LRRN1: variants seen among roughly 807,000 people sequenced by gnomAD.
LRRN1 encodes the protein leucine-rich repeat neuronal protein 1.
Under a neutral mutation model 45.8 loss-of-function variants are expected in LRRN1, and 14 were observed. The observed-to-expected ratio is 0.31, with a 90% CI of 0.20 to 0.48. The LOEUF (loss-of-function observed/expected upper bound fraction) is 0.48, where lower values mean the gene tolerates loss of function less well. Ranked by LOEUF, LRRN1 falls within the 20% of genes least tolerant of loss-of-function variation. The pLI is 0.99. For missense variants in LRRN1, 789 were observed against 874.2 expected, an observed-to-expected ratio of 0.90 and a Z score of 1.23; for synonymous variants, 359 against 330.1, an observed-to-expected ratio of 1.09 and a Z score of -0.95.
intron 1 of LRRN1, among the ~76,000 whole-genome samples, chr3:3,819,560 A>AT (rs2106457553): frequency 6.6e-6 from 1 of 152,184 alleles, no homozygotes; most frequent in African/African-American, 2.4e-5. Context: ...CTCTGCCTTC[A>AT]TTGTCACATG....
At chr3:3,811,993 C>A (rs1417457255) in intron 1 of LRRN1, among the ~76,000 whole-genome samples, 1 of 152,210 alleles carries the variant, frequency 6.6e-6, no homozygotes, top group Non-Finnish European at 1.5e-5. Context: ...GCAAACTCAT[C>A]TGTAGAATGG....
chr3:3,807,167 G>A (rs977540973), intron 1 of LRRN1, among the ~76,000 whole-genome samples: 7 of 152,062 alleles, frequency 4.6e-5, no homozygotes, highest in East Asian at 1.9e-4. Context: ...GATTAACCAC[G>A]CCCCCTACCT....
chr3:3,826,575 CT>C (rs1280480762), intron 1 of LRRN1, among the ~76,000 whole-genome samples: 1 of 152,020 alleles, frequency 6.6e-6, no homozygotes, highest in Non-Finnish European at 1.5e-5. Context: ...CCATTGTGTC[CT>C]TGCAAGGGGA....
chr3:3,844,383 T>C lies in LRRN1; in HGVS notation c.-259T>C. 2 of 403,334 alleles carry C rather than the reference T, an allele frequency of 5.0e-6. No homozygotes were observed. Among genetic ancestry groups the C allele is most frequent in the Non-Finnish European group, 8.9e-6 (2 of 225,846 alleles). 25.0% of individuals were successfully genotyped at this position (403,334 alleles called of 1,614,324 possible). ...TTTCAGGCACATCTCCAGACTTCAA[T>C]TTGGCTGAAATAATTCATGCCACGG... On this transcript the variant is annotated 5_prime_UTR_variant, in exon 2 of 2. Coordinates refer to ENST00000319331, the MANE Select transcript of LRRN1 (RefSeq NM_020873.7).
chr3:3,837,645 A>T (rs1177460963), intron 1 of LRRN1, among the ~76,000 whole-genome samples: 1 of 152,142 alleles, frequency 6.6e-6, no homozygotes, highest in African/African-American at 2.4e-5. Flanking sequence ...GTGAATGGAC[A>T]GCAGCAGGGT....
chr3:3,842,312 C>A (rs935982646), intron 1 of LRRN1, among the ~76,000 whole-genome samples: 4 of 151,558 alleles, frequency 2.6e-5, no homozygotes, highest in Non-Finnish European at 4.4e-5. Context: ...TATGTTTCCT[C>A]CCACAGACTA....
chr3:3,837,729 A>AT (rs77083558), intron 1 of LRRN1, among the ~76,000 whole-genome samples: 49 of 147,986 alleles, frequency 3.3e-4, no homozygotes, highest in Admixed American at 5.4e-4. Flanking sequence ...ATTAATTTTA[A>AT]TTTTTTTTTT....
intron 1 of LRRN1, among the ~76,000 whole-genome samples, chr3:3,812,884 C>T (rs899296016): frequency 6.7e-6 from 1 of 149,932 alleles, no homozygotes; most frequent in African/African-American, 2.5e-5. Flanking sequence ...AGATATAATG[C>T]ATGTGAACGT....
At chr3:3,824,278 C>T (rs1693169382) in intron 1 of LRRN1, among the ~76,000 whole-genome samples, 1 of 152,148 alleles carries the variant, frequency 6.6e-6, no homozygotes, top group Admixed American at 6.5e-5. Flanking sequence ...TCATATTATT[C>T]ATGAGGGCTT....
chr3:3,827,337 C>T, intron 1 of LRRN1: 1 of 385,632 alleles, frequency 2.6e-6, no homozygotes, highest in Admixed American at 2.9e-5. Context: ...ATCTGAAAGC[C>T]CTTGTTAAGT....
intron 1 of LRRN1, among the ~76,000 whole-genome samples, chr3:3,805,451 A>G (rs192280386): frequency 6.6e-6 from 1 of 152,342 alleles, no homozygotes; most frequent in East Asian, 1.9e-4. Context: ...ATTCCCAGCA[A>G]TGACACTAAT....
chr3:3,814,477 C>A (rs1031607601), intron 1 of LRRN1, among the ~76,000 whole-genome samples: 1 of 151,824 alleles, frequency 6.6e-6, no homozygotes, highest in Non-Finnish European at 1.5e-5. Context: ...GTTTGCCCAT[C>A]CTTTGTGAGT....
chr3:3,818,531 T>C (rs1693032794), intron 1 of LRRN1, among the ~76,000 whole-genome samples: 1 of 152,188 alleles, frequency 6.6e-6, no homozygotes, highest in South Asian at 2.1e-4. Flanking sequence ...TTCTTGATCT[T>C]ACAAGTGATT....
At position 3,816,303 on chromosome 3, in the gene LRRN1, A is replaced by G. The variant is rs1692985993; in HGVS notation, c.-279+16384A>G. On this transcript the variant is annotated intron_variant, in intron 1 of 1. Transcript: ENST00000319331. This position sits in a 1 kb window ranked among gnomAD's most constrained non-coding sequence, Gnocchi z 4.0. Reference sequence around the variant, plus strand: ...ATCTGAGCACTTTGAGTATTGGACCATTAGTTTCAAATGCATACTAAGATA... The same window carrying G: ...ATCTGAGCACTTTGAGTATTGGACCGTTAGTTTCAAATGCATACTAAGATA... Among the ~76,000 whole-genome samples the G allele has an allele frequency of 6.6e-6, 1 of 152,160 alleles. No individual in the cohort carries two copies. Among genetic ancestry groups the G allele is most frequent in the South Asian group, 2.1e-4 (1 of 4,832 alleles).
chr3:3,800,910 C>T lies in LRRN1; in HGVS notation c.-279+991C>T, dbSNP rs1244766981. On this transcript the variant is annotated intron_variant, in intron 1 of 1. Coordinates refer to ENST00000319331, the MANE Select transcript of LRRN1 (RefSeq NM_020873.7). ...TTGCCGGCGAGTGTCCTTTGTGCTG[C>T]GTGGAGAGGGGTGTGGGCGGCCGCC... 4 of 152,484 alleles carry T rather than the reference C, an allele frequency of 2.6e-5. No individual in the cohort carries two copies. The East Asian group carries it at 7.7e-4, about 29-fold the overall frequency. 9.4% of individuals were successfully genotyped at this position (152,484 alleles called of 1,614,324 possible).
chr3:3,845,312 G>GA lies in LRRN1; in HGVS notation c.673dup (p.Met225AsnfsTer5), dbSNP rs1319918474. 1 of 1,613,948 alleles carries GA rather than the reference G, an allele frequency of 6.2e-7. No individual in the cohort carries two copies. Among genetic ancestry groups the GA allele is most frequent in the Non-Finnish European group, 8.5e-7 (1 of 1,180,032 alleles). ...AATTTGAGAAGCTTAGTTTTGGCAG[G>GA]AATGTATCTCACTGATATTCCTGGA... On this transcript the variant is annotated frameshift_variant, in exon 2 of 2. Coordinates refer to ENST00000319331, the MANE Select transcript of LRRN1 (RefSeq NM_020873.7). LOFTEE classifies it high-confidence loss of function. This position sits in a 1 kb window ranked among gnomAD's most constrained non-coding sequence, Gnocchi z 6.5.
chr3:3,828,296 G>C (rs933674508), intron 1 of LRRN1, among the ~76,000 whole-genome samples: 1 of 151,986 alleles, frequency 6.6e-6, no homozygotes, highest in Non-Finnish European at 1.5e-5. Context: ...GAAGAACCTG[G>C]GGTCTGATGT....
chr3:3,825,233 A>G (rs570509059), intron 1 of LRRN1, among the ~76,000 whole-genome samples: 25 of 152,342 alleles, frequency 1.6e-4, no homozygotes, highest in Middle Eastern at 3.4e-3. Context: ...TGAAAGGGCT[A>G]AAGTGCCATC....
At chr3:3,828,280 A>C in intron 1 of LRRN1, among the ~76,000 whole-genome samples, 1 of 152,012 alleles carries the variant, frequency 6.6e-6, no homozygotes, top group African/African-American at 2.4e-5. Context: ...TCTGAGTCCC[A>C]AGACTGAAGA....
Sources: gnomAD v4.1 joint callset for allele counts (sites outside exome capture counted in the v4.1 genomes callset) on GRCh38, gnomAD v4.1.1 for gene constraint, Gnocchi (gnomAD v3.1) non-coding constraint, MANE v1.5 for transcripts, NCBI Gene and HGNC (gene_info 2026-07-23, HGNC 2026-07-21) for gene names.